SEC63: variants seen among roughly 807,000 people sequenced by gnomAD.
SEC63 encodes translocation protein SEC63 homolog.
A neutral mutation model predicts 116.2 loss-of-function variants in SEC63; 56 were observed. The observed-to-expected ratio is 0.48, with a 90% CI of 0.39 to 0.60. The LOEUF is 0.60. Among genes scored for constraint, SEC63 ranks in the 20% least tolerant of loss-of-function variants. The probability of loss-of-function intolerance (pLI) is 0.00; values close to 1 mark genes in which losing one functional copy is unlikely to be tolerated. For synonymous variants in SEC63, 273 were observed against 294.6 expected (o/e 0.93, Z 0.75); for missense variants, 668 against 900.0 (o/e 0.74, Z 3.30).
intron 4 of SEC63, among the ~76,000 whole-genome samples, chr6:107,921,569 A>G (rs1787556967): frequency 6.6e-6 from 1 of 151,694 alleles, no homozygotes; most frequent in Admixed American, 6.6e-5. Flanking sequence ...CTCCCACCTC[A>G]GCCTCCCAAG....
intron 4 of SEC63, among the ~76,000 whole-genome samples, chr6:107,921,479 A>T (rs1787554683): frequency 6.6e-6 from 1 of 150,732 alleles, no homozygotes; most frequent in Non-Finnish European, 1.5e-5. Flanking sequence ...TTAGAGATGG[A>T]GTATTACTGT....
intron 3 of SEC63, among the ~76,000 whole-genome samples, chr6:107,922,876 C>A (rs1269106946): frequency 5.3e-5 from 8 of 151,560 alleles, no homozygotes; most frequent in Non-Finnish European, 1.0e-4. Flanking sequence ...AGCAAAGACT[C>A]AAAGTAAAAG....
intron 19 of SEC63, among the ~76,000 whole-genome samples, chr6:107,875,252 A>G (rs1246082960): frequency 6.6e-6 from 1 of 152,216 alleles, no homozygotes; most frequent in Non-Finnish European, 1.5e-5. Context: ...TTCAGGGGAA[A>G]ATACACACGC....
rs540712981 is a variant in SEC63, at chr6:107,929,485, C to A, written c.154G>T (p.Val52Leu). 1 of 1,599,348 alleles carries A rather than the reference C, an allele frequency of 6.3e-7. No individual in the cohort carries two copies. The highest frequency in any genetic ancestry group is 8.6e-7 in the Non-Finnish European group (1 of 1,166,898). ...EQIRLKNIRK[V>L]YGRCMWYRLR... is the part of the protein sequence containing the mutation. The stretch of plus-strand genomic sequence containing the variant: ...CGATACCACATACACCTTCCATATA[C>A]TTTTCTGATATTCTTTAATCGAATT... Residue 52 changes from valine (V) to leucine (L), a missense_variant, in exon 2 of 21, where the codon GTA (valine) becomes TTA (leucine). Transcript: ENST00000369002.
chr6:107,925,897 T>C (rs1196962650), intron 2 of SEC63, among the ~76,000 whole-genome samples: 6 of 152,254 alleles, frequency 3.9e-5, no homozygotes, highest in African/African-American at 9.6e-5. Flanking sequence ...TTGCCCAGGC[T>C]GGAGTGCAAT....
At chr6:107,877,830 G>A (rs759593656) in intron 18 of SEC63, among the ~76,000 whole-genome samples, 1 of 152,146 alleles carries the variant, frequency 6.6e-6, no homozygotes, top group Non-Finnish European at 1.5e-5. Flanking sequence ...ACGCTACTAA[G>A]CACAACTAAA....
chr6:107,956,519 GGCACAACA>G (rs1183202421), intron 1 of SEC63, among the ~76,000 whole-genome samples: 1 of 151,954 alleles, frequency 6.6e-6, no homozygotes, highest in Non-Finnish European at 1.5e-5. Flanking sequence ...TAGGAAATAA[GGCACAACA>G]GTCCAAGATC....
intron 1 of SEC63, among the ~76,000 whole-genome samples, chr6:107,939,496 A>C (rs1770327564): frequency 6.6e-6 from 1 of 152,206 alleles, no homozygotes; most frequent in African/African-American, 2.4e-5. Flanking sequence ...TCATGCCTGT[A>C]ATCCCAGCAC....
chr6:107,944,376 T>A (rs1462285703), intron 1 of SEC63, among the ~76,000 whole-genome samples: 1 of 152,188 alleles, frequency 6.6e-6, no homozygotes, highest in Non-Finnish European at 1.5e-5. Context: ...TAAGCACTTA[T>A]ACACACAAGT....
intron 10 of SEC63, 91 bp downstream of exon 10, chr6:107,906,357 T>C (rs908677605): frequency 3.7e-5 from 50 of 1,349,946 alleles, no homozygotes; most frequent in Non-Finnish European, 5.1e-5. Flanking sequence ...TTTAGAGCAA[T>C]GCGAGAACAA....
At chr6:107,880,256 G>C (rs971473745) in intron 18 of SEC63, among the ~76,000 whole-genome samples, 4 of 152,196 alleles carry the variant, frequency 2.6e-5, no homozygotes, top group South Asian at 2.1e-4. Flanking sequence ...GCCTTAAGCA[G>C]TCCCCAGAAA....
At chr6:107,909,149 C>A in intron 7 of SEC63, 114 bp from the exon 8 acceptor site, 1 of 702,964 alleles carries the variant, frequency 1.4e-6, no homozygotes, top group Middle Eastern at 3.7e-4. Flanking sequence ...GAGAGGACTG[C>A]TTGAGCCCAG....
Position 107,904,234 on chromosome 6 carries a change from A to T in SEC63, c.1054+395T>A, listed in dbSNP as rs375776502. On this transcript the variant is annotated intron_variant, in intron 11 of 20. Transcript: ENST00000369002. ...AGACCATCCTGGCCAACATGGTAAAACCCTGTCTCTACCAAAAATACAAAA... is the reference window on the plus strand; with the variant it reads ...AGACCATCCTGGCCAACATGGTAAATCCCTGTCTCTACCAAAAATACAAAA... 2.3e-3 allele frequency among the ~76,000 whole-genome samples: 350 copies of T among 150,666 alleles called. 3 individuals carry two copies. Among genetic ancestry groups the T allele is most frequent in the Admixed American group, 0.01 (153 of 15,038 alleles).
intron 12 of SEC63, 87 bp from the exon 13 acceptor site, chr6:107,901,604 C>T: frequency 1.1e-6 from 1 of 922,986 alleles, no homozygotes; most frequent in Non-Finnish European, 1.6e-6. Context: ...TTAACCACAA[C>T]AAAATCCAGC....
At chr6:107,954,138 C>A (rs921226380) in intron 1 of SEC63, among the ~76,000 whole-genome samples, 52 of 152,228 alleles carry the variant, frequency 3.4e-4, no homozygotes, top group African/African-American at 1.2e-3. Flanking sequence ...ATTCTTCTGC[C>A]TTGGGATCCT....
intron 18 of SEC63, among the ~76,000 whole-genome samples, chr6:107,877,691 T>C (rs941527266): frequency 2.6e-5 from 4 of 152,112 alleles, no homozygotes; most frequent in African/African-American, 7.2e-5. Context: ...ATCCTCCCAT[T>C]TAGGCCTCCC....
rs1216257055 is a variant in SEC63, at chr6:107,871,285, AC to A, written c.*418del. The A allele has an allele frequency of 1.1e-5, 2 of 187,990 alleles. No homozygotes were observed. The highest frequency in any genetic ancestry group is 4.7e-5 in the African/African-American group (2 of 42,174). 11.6% of individuals were successfully genotyped at this position (187,990 alleles called of 1,614,324 possible). A position where few individuals can be genotyped will look rare whatever the true frequency, so the allele number is the denominator to read the frequency against. On this transcript the variant is annotated 3_prime_UTR_variant, in exon 21 of 21. Coordinates refer to ENST00000369002, the MANE Select transcript of SEC63 (RefSeq NM_007214.5). ...TATCAACTTGAGCGATGTTACTTAA[AC>A]TTGAGCGATGTTACTTAAAACATAT...
chr6:107,957,835 G>A (rs752338364), intron 1 of SEC63, 51 bp downstream of exon 1: 4 of 1,544,112 alleles, frequency 2.6e-6, no homozygotes, highest in Non-Finnish European at 3.5e-6. Flanking sequence ...AGGGCCTGGG[G>A]GCGCTGGCGG....
intron 19 of SEC63, among the ~76,000 whole-genome samples, chr6:107,875,624 C>T (rs1048998727): frequency 4.0e-5 from 6 of 151,854 alleles, no homozygotes; most frequent in Admixed American, 1.3e-4. Flanking sequence ...TGGGAGAGCC[C>T]GGGAGGCGGA....
Sources: gnomAD v4.1 joint callset for allele counts (sites outside exome capture counted in the v4.1 genomes callset) on GRCh38, gnomAD v4.1.1 for gene constraint, MANE v1.5 for transcripts, NCBI Gene and HGNC (gene_info 2026-07-23, HGNC 2026-07-21) for gene names.